CLEC2L: variants seen among roughly 807,000 people sequenced by gnomAD.
CLEC2L encodes the protein C-type lectin domain family 2, member L.
CLEC2L carries 14 observed loss-of-function variants against 23.6 expected under a neutral mutation model. That is an observed-to-expected ratio of 0.59 (90% CI 0.39 to 0.93). The LOEUF (loss-of-function observed/expected upper bound fraction) is 0.93. Ranked by LOEUF, CLEC2L falls within the 40% of genes least tolerant of loss-of-function variation. CLEC2L has a pLI of 0.00. For synonymous variants in CLEC2L, 114 were observed against 121.3 expected (o/e 0.94, Z 0.40); for missense variants, 264 against 282.4 (o/e 0.93, Z 0.47).
chr7:139,544,562 C>T lies in CLEC2L; in HGVS notation c.*220C>T. The T allele has an allele frequency of 1.7e-6, 1 of 581,072 alleles. No homozygotes were observed. Among genetic ancestry groups the T allele is most frequent in the Non-Finnish European group, 3.1e-6 (1 of 325,138 alleles). The allele number at this position is 581,072 out of a possible 1,614,324, so 36.0% of individuals were successfully genotyped here. On this transcript the variant is annotated 3_prime_UTR_variant, in exon 5 of 5. Transcript: ENST00000422142. ...GTCGTGTGGCTCAGCAGTTAAATCC[C>T]ATATGCTAGGTAGTGTAGGCATCTG... is the stretch of plus-strand genomic sequence containing the variant.
Position 139,540,552 on chromosome 7 carries a change from G to A in CLEC2L, c.432+65G>A. On this transcript the variant is annotated intron_variant, in intron 3 of 4. Transcript: ENST00000422142. This position sits in a 1 kb window ranked among gnomAD's most constrained non-coding sequence, Gnocchi z 5.8. ...CTCAGGGCCCCCAACCTTGACTCTA[G>A]GGGACAGCCACACAGTAAAGGATGC... 6.6e-7 allele frequency: 1 copy of A among 1,524,870 alleles called. No homozygotes were observed. The highest frequency in any genetic ancestry group is 2.4e-5 in the East Asian group (1 of 40,906). The allele number at this position is 1,524,870 out of a possible 1,614,324, so 94.5% of individuals were successfully genotyped here.
At chr7:139,536,404 G>A (rs1460979367) in intron 2 of CLEC2L, 56 bp downstream of exon 2, 3 of 1,435,686 alleles carry the variant, frequency 2.1e-6, no homozygotes, top group East Asian at 2.5e-5. Flanking sequence ...CTTGTTAAAA[G>A]CACGTCTAAT....
chr7:139,528,457 G>A (rs972007495), intron 1 of CLEC2L, among the ~76,000 whole-genome samples: 1 of 152,218 alleles, frequency 6.6e-6, no homozygotes, highest in Non-Finnish European at 1.5e-5. Context: ...ATGAAGGAAG[G>A]TGAAGGAGGA....
In CLEC2L at chr7:139,539,309, G is replaced by A. The variant is rs1040719407; in HGVS notation, c.266-1012G>A. The stretch of plus-strand genomic sequence containing the variant: ...TAAATGTGGAAGAAATAAATATAAG[G>A]TTCTGCATTTGGATTTAAGAAGTTA... On this transcript the variant is annotated intron_variant, in intron 2 of 4. Coordinates refer to ENST00000422142, the MANE Select transcript of CLEC2L (RefSeq NM_001080511.4). The surrounding 1 kb of genome is among the most constrained non-coding windows in gnomAD (Gnocchi z 4.1). The A allele has an allele frequency of 2.0e-5, 3 of 152,136 alleles. No individual in the cohort carries two copies. Among genetic ancestry groups the A allele is most frequent in the Non-Finnish European group, 4.4e-5 (3 of 68,034 alleles). The allele number at this position is 152,136 out of a possible 1,614,324, so 9.4% of individuals were successfully genotyped here. A position where few individuals can be genotyped will look rare whatever the true frequency, so the allele number is the denominator to read the frequency against.
intron 1 of CLEC2L, among the ~76,000 whole-genome samples, chr7:139,527,974 T>C (rs758525274): frequency 4.6e-5 from 7 of 152,158 alleles, no homozygotes; most frequent in Non-Finnish European, 1.0e-4. Flanking sequence ...GTGAGGATGA[T>C]GGGAGCTTTG....
chr7:139,526,548 A>G (rs1181039798), intron 1 of CLEC2L, among the ~76,000 whole-genome samples: 1 of 152,178 alleles, frequency 6.6e-6, no homozygotes, highest in African/African-American at 2.4e-5. Context: ...GGCCCTGGGC[A>G]CATTTATGTT....
At chr7:139,534,364 G>T (rs943054259) in intron 1 of CLEC2L, 12 of 992,188 alleles carry the variant, frequency 1.2e-5, no homozygotes, top group Non-Finnish European at 2.0e-5. Flanking sequence ...CATGTGAAAA[G>T]AATGAATCCC....
intron 1 of CLEC2L, among the ~76,000 whole-genome samples, chr7:139,525,500 C>CTG (rs1797494404): frequency 6.6e-6 from 1 of 151,542 alleles, no homozygotes; most frequent in Non-Finnish European, 1.5e-5. Context: ...TGTAGCAGAG[C>CTG]TGTGGGTTGT....
intron 2 of CLEC2L, among the ~76,000 whole-genome samples, 163 bp downstream of exon 2, chr7:139,536,511 A>G (rs1797659034): frequency 1.3e-5 from 2 of 152,210 alleles, no homozygotes; most frequent in Non-Finnish European, 2.9e-5. Context: ...AGCTTAAAAT[A>G]ATATATTCAC....
rs1349870701 is a variant in CLEC2L, at chr7:139,540,245, G to A, written c.266-76G>A. 1.8e-5 allele frequency: 26 copies of A among 1,466,702 alleles called. No individual in the cohort carries two copies. The South Asian group carries it at 2.8e-4, about 16-fold the overall frequency. The allele number at this position is 1,466,702 out of a possible 1,614,324, so 90.9% of individuals were successfully genotyped here. ...CTGCAGGACGCCAAAGCTGAGGCAG[G>A]GGAGGGAGCCACAGAAAGCAGAGTG... On this transcript the variant is annotated intron_variant, in intron 2 of 4. Coordinates refer to ENST00000422142, the MANE Select transcript of CLEC2L (RefSeq NM_001080511.4). The surrounding 1 kb of genome is among the most constrained non-coding windows in gnomAD (Gnocchi z 5.8).
intron 3 of CLEC2L, 26 bp from the exon 4 acceptor site, chr7:139,541,995 G>A (rs956335475): frequency 1.3e-6 from 2 of 1,537,264 alleles, no homozygotes; most frequent in Non-Finnish European, 1.8e-6. Flanking sequence ...ATCTGACCCT[G>A]AGGTGTCCCT....
rs764248782 is a variant in CLEC2L, at chr7:139,544,318, G to C, written c.621G>C (p.Val207=). 3.7e-6 allele frequency: 6 copies of C among 1,612,546 alleles called. No homozygotes were observed. In the Admixed American group the frequency reaches 1.0e-4, roughly 27 times the overall value. ...STECLMTRPW[V]CSKMAYT is the part of the protein sequence containing the mutation. ...AGTGTCTGATGACCCGGCCCTGGGT[G>C]TGCAGCAAGATGGCCTATACTTGAG... Residue 207 remains valine, a synonymous_variant, in exon 5 of 5, where the codon GTG becomes GTC. Coordinates refer to ENST00000422142, the MANE Select transcript of CLEC2L (RefSeq NM_001080511.4).
intron 2 of CLEC2L, among the ~76,000 whole-genome samples, chr7:139,537,094 T>C (rs1036503863): frequency 1.3e-5 from 2 of 150,714 alleles, no homozygotes; most frequent in Non-Finnish European, 2.9e-5. Context: ...TATGACACTG[T>C]CTCCTCTGTC....
At chr7:139,541,873 C>A in intron 3 of CLEC2L, 148 bp from the exon 4 acceptor site, 1 of 650,428 alleles carries the variant, frequency 1.5e-6, no homozygotes, top group Non-Finnish European at 2.7e-6. Flanking sequence ...TAGCTCCTTA[C>A]TTGCGGGATT....
intron 2 of CLEC2L, among the ~76,000 whole-genome samples, chr7:139,536,696 C>T (rs925610761): frequency 7.9e-5 from 12 of 151,902 alleles, no homozygotes; most frequent in African/African-American, 2.7e-4. Flanking sequence ...CATATTCGGC[C>T]GGGCGCAGTG....
In CLEC2L at chr7:139,542,003, C is replaced by G. The variant is rs1010615887; in HGVS notation, c.433-18C>G. On this transcript the variant is annotated intron_variant, in intron 3 of 4. Coordinates refer to ENST00000422142, the MANE Select transcript of CLEC2L (RefSeq NM_001080511.4). Reference sequence around the variant, plus strand: ...AGACCGCATCTGACCCTGAGGTGTCCCTTTTTCCTCGGTGCAGGAATTTAT... The same window carrying G: ...AGACCGCATCTGACCCTGAGGTGTCGCTTTTTCCTCGGTGCAGGAATTTAT... The G allele has an allele frequency of 6.3e-7, 1 of 1,578,550 alleles. No homozygotes were observed. The highest frequency in any genetic ancestry group is 1.3e-5 in the African/African-American group (1 of 74,154).
chr7:139,529,402 T>C (rs1797547472), intron 1 of CLEC2L, among the ~76,000 whole-genome samples: 1 of 152,194 alleles, frequency 6.6e-6, no homozygotes, highest in Non-Finnish European at 1.5e-5. Flanking sequence ...GGCAAAGTGA[T>C]GTCAGATGTT....
In CLEC2L at chr7:139,523,847, G is replaced by GCCCCT; in HGVS notation, c.-80_-79insCCCTC. On this transcript the variant is annotated 5_prime_UTR_variant, in exon 1 of 5. Transcript: ENST00000422142. This position sits in a 1 kb window ranked among gnomAD's most constrained non-coding sequence, Gnocchi z 4.1. Reference sequence around the variant, plus strand: ...GGCCGGCCTGGGGGGCCCGCAGGGCGCGCGGAGCGCCGAGTGCGCGTCGGG... The same window carrying GCCCCT: ...GGCCGGCCTGGGGGGCCCGCAGGGCGCCCCTCGCGGAGCGCCGAGTGCGCGTCGGG... The GCCCCT allele has an allele frequency of 3.2e-6, 3 of 943,318 alleles. No individual in the cohort carries two copies. Among genetic ancestry groups the GCCCCT allele is most frequent in the Non-Finnish European group, 3.8e-6 (3 of 794,400 alleles). The allele number at this position is 943,318 out of a possible 1,614,324, so 58.4% of individuals were successfully genotyped here.
At chr7:139,525,163 T>A (rs1272301083) in intron 1 of CLEC2L, among the ~76,000 whole-genome samples, 1 of 151,542 alleles carries the variant, frequency 6.6e-6, no homozygotes, top group Admixed American at 6.6e-5. Context: ...GCTTGGACTT[T>A]GTTCTGAAGG....
Sources: allele counts gnomAD v4.1 joint callset (sites outside exome capture counted in the v4.1 genomes callset), GRCh38; gene constraint gnomAD v4.1.1; non-coding constraint Gnocchi (gnomAD v3.1); transcripts MANE v1.5; gene names NCBI Gene and HGNC (gene_info 2026-07-23, HGNC 2026-07-21).